Variants in NALF1 observed in about 807,000 individuals in gnomAD.
The protein encoded by NALF1 is NALCN channel auxiliary factor 1.
A neutral mutation model predicts 48.4 loss-of-function variants in NALF1; 3 were observed. The observed-to-expected ratio is 0.06, with a 90% confidence interval of 0.03 to 0.16. The LOEUF (loss-of-function observed/expected upper bound fraction) is 0.16, where lower values mean the gene tolerates loss of function less well. Ranked by LOEUF, NALF1 falls within the 10% of genes least tolerant of loss-of-function variation. The pLI, the probability that NALF1 is intolerant of heterozygous loss-of-function variation, is 1.00. For synonymous variants in NALF1, 262 were observed against 245.7 expected, an observed-to-expected ratio of 1.07 and a Z score of -0.62; for missense variants, 526 against 571.5, an observed-to-expected ratio of 0.92 and a Z score of 0.81.
rs570443763 is a variant in NALF1 at position 107,520,535 on chromosome 13, T to C, written c.916-309780A>G. ...AAACATTTCATAAGGTAGGATTAAT[T>C]GTGACCACAGTAGCTAACGCTTATT... On this transcript the variant is annotated intron_variant, in intron 1 of 2. Coordinates refer to ENST00000375915, the MANE Select transcript of NALF1 (RefSeq NM_001080396.3). Among the ~76,000 whole-genome samples, 281 of 152,362 alleles carry C rather than the reference T, an allele frequency of 1.8e-3. 2 individuals carry two copies. The highest frequency in any genetic ancestry group is 2.0e-3 in the Non-Finnish European group (134 of 68,040).
chr13:107,285,035 A>T (rs971357410), intron 1 of NALF1, among the ~76,000 whole-genome samples: 4 of 152,226 alleles, frequency 2.6e-5, no homozygotes, highest in Non-Finnish European at 5.9e-5. Context: ...GAGAGAAAAA[A>T]TAATCAGGAA....
chr13:107,303,731 A>C (rs779797536), intron 1 of NALF1, among the ~76,000 whole-genome samples: 13 of 152,182 alleles, frequency 8.5e-5, no homozygotes, highest in Non-Finnish European at 1.2e-4. Flanking sequence ...TGTTCTCTTC[A>C]AGAAAATTTT....
intron 1 of NALF1, among the ~76,000 whole-genome samples, chr13:107,848,296 G>C (rs982711452): frequency 2.6e-5 from 4 of 152,168 alleles, no homozygotes; most frequent in African/African-American, 7.2e-5. Flanking sequence ...AAGAGGGGAT[G>C]ATTTTAATAT....
At chr13:107,772,269 T>C (rs901495503) in intron 1 of NALF1, among the ~76,000 whole-genome samples, 4 of 152,126 alleles carry the variant, frequency 2.6e-5, no homozygotes, top group African/African-American at 7.2e-5. Context: ...CACTGCGGAC[T>C]TGCCCTGAGT....
At chr13:107,357,959 T>C (rs937119677) in intron 1 of NALF1, among the ~76,000 whole-genome samples, 2 of 152,198 alleles carry the variant, frequency 1.3e-5, no homozygotes, top group Non-Finnish European at 2.9e-5. Flanking sequence ...TTTAGGTTGA[T>C]AATGATTTCA....
At chr13:107,474,759 T>C (rs1197770500) in intron 1 of NALF1, among the ~76,000 whole-genome samples, 2 of 152,162 alleles carry the variant, frequency 1.3e-5, no homozygotes, top group Non-Finnish European at 2.9e-5. Context: ...GATCCTACCA[T>C]GGAAGTTTTT....
chr13:107,606,418 C>T (rs572090393), intron 1 of NALF1, among the ~76,000 whole-genome samples: 3 of 151,206 alleles, frequency 2.0e-5, no homozygotes, highest in African/African-American at 7.3e-5. Context: ...GAGACTGGAG[C>T]GCAGTGGTGC....
intron 1 of NALF1, among the ~76,000 whole-genome samples, chr13:107,216,780 T>C (rs1262618291): frequency 6.6e-6 from 1 of 152,140 alleles, no homozygotes; most frequent in Non-Finnish European, 1.5e-5. Flanking sequence ...ACTCCATTTA[T>C]ACAGGAGAGG....
At chr13:107,750,320 C>G (rs1052936922) in intron 1 of NALF1, among the ~76,000 whole-genome samples, 1 of 152,158 alleles carries the variant, frequency 6.6e-6, no homozygotes, top group African/African-American at 2.4e-5. Context: ...GAGTGTCTAT[C>G]TTGGTGTTGC....
At chr13:107,742,863 G>T (rs2138545742) in intron 1 of NALF1, among the ~76,000 whole-genome samples, 1 of 152,278 alleles carries the variant, frequency 6.6e-6, no homozygotes, top group South Asian at 2.1e-4. Flanking sequence ...ACAAATAAAT[G>T]AATAAATGAC....
rs567669403 is a variant in NALF1 at position 107,422,376 on chromosome 13, C to T, written c.916-211621G>A. 4.9e-4 allele frequency among the ~76,000 whole-genome samples: 74 copies of T among 152,234 alleles called. 1 individual carries two copies. Among genetic ancestry groups the T allele is most frequent in the African/African-American group, 1.7e-3 (70 of 41,542 alleles). ...AATCAACAACTGTCCACTGACCACA[C>T]TTTGTTTTAAACTAGCCAGAGAGAA... On this transcript the variant is annotated intron_variant, in intron 1 of 2. Coordinates refer to ENST00000375915, the MANE Select transcript of NALF1 (RefSeq NM_001080396.3).
At chr13:107,774,197 A>G (rs1180371234) in intron 1 of NALF1, among the ~76,000 whole-genome samples, 1 of 152,220 alleles carries the variant, frequency 6.6e-6, no homozygotes, top group Non-Finnish European at 1.5e-5. Flanking sequence ...TGTCAATTTA[A>G]ATATGTGTAT....
At chr13:107,286,157 G>T (rs1180432614) in intron 1 of NALF1, among the ~76,000 whole-genome samples, 1 of 152,156 alleles carries the variant, frequency 6.6e-6, no homozygotes, top group Non-Finnish European at 1.5e-5. Flanking sequence ...GTACATTGTT[G>T]GTGGGAATAT....
intron 1 of NALF1, among the ~76,000 whole-genome samples, chr13:107,358,464 C>T (rs2138952271): frequency 6.6e-6 from 1 of 152,148 alleles, no homozygotes; most frequent in South Asian, 2.1e-4. Context: ...TATTTTTAAC[C>T]TCATTTATTG....
intron 1 of NALF1, among the ~76,000 whole-genome samples, chr13:107,770,775 C>A (rs1362482382): frequency 6.6e-6 from 1 of 152,202 alleles, no homozygotes; most frequent in Non-Finnish European, 1.5e-5. Flanking sequence ...GCTTTGTTCT[C>A]ACAGACTTTG....
intron 1 of NALF1, among the ~76,000 whole-genome samples, chr13:107,616,095 G>A (rs1488501078): frequency 6.6e-6 from 1 of 152,092 alleles, no homozygotes; most frequent in African/African-American, 2.4e-5. Flanking sequence ...CAAAACTATT[G>A]CTGAAGATAA....
intron 1 of NALF1, among the ~76,000 whole-genome samples, chr13:107,444,250 A>T (rs16970128): frequency 0.02 from 2,991 of 152,226 alleles, 106 homozygotes; most frequent in African/African-American, 0.069. Context: ...AATTTTCACA[A>T]ATGTTTTTAC....
intron 1 of NALF1, among the ~76,000 whole-genome samples, chr13:107,815,521 G>C (rs1879137152): frequency 6.6e-6 from 1 of 152,130 alleles, no homozygotes; most frequent in Non-Finnish European, 1.5e-5. Context: ...CAAGTATCAA[G>C]GAGAATGTGA....
intron 1 of NALF1, among the ~76,000 whole-genome samples, chr13:107,463,561 A>G (rs1393089049): frequency 2.0e-5 from 3 of 152,226 alleles, no homozygotes; most frequent in African/African-American, 4.8e-5. Flanking sequence ...TTTGCCTCCA[A>G]TAAGCTTCTA....
Sources: allele counts gnomAD v4.1 joint callset (sites outside exome capture counted in the v4.1 genomes callset), GRCh38; gene constraint gnomAD v4.1.1; transcripts MANE v1.5; gene names NCBI Gene and HGNC (gene_info 2026-07-23, HGNC 2026-07-21).